MED16: variants seen among roughly 807,000 people sequenced by gnomAD.
MED16 encodes mediator complex subunit 16.
MED16 carries 81 observed loss-of-function variants against 84.4 expected under a neutral mutation model. That is an observed-to-expected ratio of 0.96 (90% confidence interval 0.80 to 1.15). MED16 has a LOEUF of 1.15. MED16 is among the 50% of genes most tolerant of loss of function. The pLI, the probability that MED16 is intolerant of heterozygous loss-of-function variation, is 0.00. For synonymous variants in MED16, 897 were observed against 552.2 expected (o/e 1.62, Z -8.76); for missense variants, 1,585 against 1,245.9 (o/e 1.27, Z -4.10).
intron 8 of MED16, among the ~76,000 whole-genome samples, chr19:878,568 AG>A (rs2036326492): frequency 7.2e-5 from 4 of 55,508 alleles, no homozygotes; most frequent in Non-Finnish European, 1.4e-4. Flanking sequence ...CCCCAGCCCC[AG>A]CCCCACATGC....
chr19:873,671 A>C, intron 10 of MED16, 89 bp from the exon 11 acceptor site: 1 of 1,462,912 alleles, frequency 6.8e-7, no homozygotes, highest in Non-Finnish European at 9.4e-7. Context: ...ACCTGCACTG[A>C]GTGCCCACCC....
chr19:890,341 C>T (rs2036608740), intron 2 of MED16, 97 bp from the exon 3 acceptor site: 1 of 817,822 alleles, frequency 1.2e-6, no homozygotes. Context: ...GTGTGTGTCC[C>T]ACCCCAGGAA....
rs756227651 is a variant in MED16 at position 876,963 on chromosome 19, C to G, written c.1560+11G>C. 5.6e-6 allele frequency: 9 copies of G among 1,600,222 alleles called. No homozygotes were observed. The highest frequency in any genetic ancestry group is 7.7e-6 in the Non-Finnish European group (9 of 1,173,590). On this transcript the variant is annotated intron_variant, in intron 9 of 15. Transcript: ENST00000325464. ...ACCTGCCACGGGGCCCCACCTGCCACGGGCCCCCACCTGCTGCAGGGCAGC... is the reference window on the plus strand; with the variant it reads ...ACCTGCCACGGGGCCCCACCTGCCAGGGGCCCCCACCTGCTGCAGGGCAGC...
Position 880,165 on chromosome 19 carries a change from C to T in MED16, c.1142-17G>A. ...GGGCCAGCCCTGTGGGGCACAGGCACTGCTTAGACATGGGCAGGGCCCAGG... is the reference window on the plus strand; with the variant it reads ...GGGCCAGCCCTGTGGGGCACAGGCATTGCTTAGACATGGGCAGGGCCCAGG... On this transcript the variant is annotated splice_polypyrimidine_tract_variant and intron_variant, in intron 7 of 15. Coordinates refer to ENST00000325464, the MANE Select transcript of MED16 (RefSeq NM_005481.3). 1.2e-6 allele frequency: 2 copies of T among 1,601,030 alleles called. No homozygotes were observed. The highest frequency in any genetic ancestry group is 1.7e-6 in the Non-Finnish European group (2 of 1,176,496).
chr19:885,964 C>A lies in MED16; in HGVS notation c.685G>T (p.Ala229Ser), dbSNP rs1012791185. 4.3e-6 allele frequency: 7 copies of A among 1,612,330 alleles called. No homozygotes were observed. The South Asian group carries it at 7.7e-5, about 18-fold the overall frequency. ...AFTGGGNIVV[A>S]TADGSSASPV... ...GACGCGCTGCTGCCGTCCGCCGTGG[C>A]CACCACGATGTTGCCGCCGCCGGTG... The change falls in exon 5 of 16, where the codon GCC (alanine) becomes TCC (serine). Residue 229 changes from alanine (A) to serine (S), a missense_variant. Transcript: ENST00000325464.
chr19:889,834 AC>A, intron 3 of MED16, 27 bp from the exon 4 acceptor site: 1 of 1,594,552 alleles, frequency 6.3e-7, no homozygotes. Context: ...ATCATTGCGA[AC>A]CTTCCAGGGA....
At chr19:871,680 A>T (rs748706474) in intron 12 of MED16, 1 of 1,534,840 alleles carries the variant, frequency 6.5e-7, no homozygotes, top group African/African-American at 1.4e-5. Flanking sequence ...AATAGCAGAT[A>T]TCAAGGCAGA....
chr19:868,664 C>A (rs866928944), intron 14 of MED16, among the ~76,000 whole-genome samples, 165 bp from the exon 15 acceptor site: 1 of 152,108 alleles, frequency 6.6e-6, no homozygotes, highest in African/African-American at 2.4e-5. Flanking sequence ...CTCCTCCCCC[C>A]AGCAATGCTG....
intron 11 of MED16, among the ~76,000 whole-genome samples, chr19:872,475 A>C (rs1442719651): frequency 6.6e-6 from 1 of 151,932 alleles, no homozygotes; most frequent in Non-Finnish European, 1.5e-5. Flanking sequence ...AGCTGAGAGG[A>C]CCAGGGAAGG....
At chr19:881,537 G>C (rs1599335538) in intron 7 of MED16, 22 bp downstream of exon 7, 1 of 1,598,040 alleles carries the variant, frequency 6.3e-7, no homozygotes, top group South Asian at 1.1e-5. Context: ...GCCCCGCGTG[G>C]CTGCCGCTGG....
intron 4 of MED16, among the ~76,000 whole-genome samples, chr19:887,675 G>A (rs956123098): frequency 6.6e-6 from 1 of 151,872 alleles, no homozygotes; most frequent in South Asian, 2.1e-4. Context: ...CAAAAAAAAT[G>A]TATTTGGTTA....
At chr19:872,215 A>C in intron 11 of MED16, 97 bp from the exon 12 acceptor site, 1 of 1,002,310 alleles carries the variant, frequency 1.0e-6, no homozygotes, top group Non-Finnish European at 1.5e-6. Context: ...CCGGGGGGCA[A>C]TGGGCAGGGT....
chr19:885,153 C>G, intron 5 of MED16, 145 bp from the exon 6 acceptor site: 1 of 622,990 alleles, frequency 1.6e-6, no homozygotes, highest in South Asian at 1.9e-5. Context: ...CTCCTGGATT[C>G]CAGCCCAGGC....
intron 6 of MED16, 87 bp downstream of exon 6, chr19:884,816 G>A: frequency 9.5e-7 from 1 of 1,052,606 alleles, no homozygotes; most frequent in Non-Finnish European, 1.4e-6. Context: ...GACCACCCTG[G>A]GTGACACAGC....
chr19:874,929 G>A (rs117592485), intron 10 of MED16, among the ~76,000 whole-genome samples: 6 of 152,208 alleles, frequency 3.9e-5, no homozygotes, highest in South Asian at 2.1e-4. Flanking sequence ...TTAGGAGGCC[G>A]AGGCGGGCGG....
chr19:870,162 C>A (rs1273568774), intron 13 of MED16, among the ~76,000 whole-genome samples: 3 of 152,214 alleles, frequency 2.0e-5, no homozygotes, highest in African/African-American at 7.2e-5. Flanking sequence ...CTCTCTCCAT[C>A]CACAGAGGGA....
rs186618315 is a variant in MED16 at position 883,256 on chromosome 19, G to A, written c.986-1542C>T. Among the ~76,000 whole-genome samples the A allele has an allele frequency of 5.2e-4, 79 of 151,438 alleles. 1 individual carries two copies. The highest frequency in any genetic ancestry group is 1.6e-3 in the African/African-American group (64 of 41,084). ...GCCTGGCATGGTGGGCACGTGGGGC[G>A]GTGCGTGAAGAGCTGGGCATGGCGG... On this transcript the variant is annotated intron_variant, in intron 6 of 15. Transcript: ENST00000325464.
intron 4 of MED16, among the ~76,000 whole-genome samples, chr19:887,969 A>C (rs1324973261): frequency 1.3e-5 from 2 of 151,510 alleles, no homozygotes; most frequent in African/African-American, 4.9e-5. Context: ...TTGGGAGGCC[A>C]AGACAGGCAG....
intron 10 of MED16, among the ~76,000 whole-genome samples, chr19:874,153 G>C (rs1021437336): frequency 3.0e-5 from 4 of 133,286 alleles, no homozygotes; most frequent in African/African-American, 1.1e-4. Context: ...TCACTCTGTC[G>C]CCCAGGCTGG....
Sources: gnomAD v4.1 joint callset for allele counts (sites outside exome capture counted in the v4.1 genomes callset) on GRCh38, gnomAD v4.1.1 for gene constraint, MANE v1.5 for transcripts, NCBI Gene and HGNC (gene_info 2026-07-23, HGNC 2026-07-21) for gene names.